Variants in LIPC observed in about 807,000 individuals in gnomAD.
LIPC encodes the protein hepatic triacylglycerol lipase.
LIPC carries 44 observed loss-of-function variants against 50.7 expected under a neutral mutation model. The ratio of observed to expected loss-of-function variants is 0.87; its 90% confidence interval spans 0.68 to 1.11. The LOEUF (loss-of-function observed/expected upper bound fraction) is 1.11, where lower values mean the gene tolerates loss of function less well. Among genes scored for constraint, LIPC ranks in the 50% most tolerant of loss-of-function variants. LIPC has a pLI of 0.00. For missense variants in LIPC, 697 were observed against 648.2 expected (o/e 1.08, Z -0.82); for synonymous variants, 271 against 256.4 (o/e 1.06, Z -0.54).
At chr15:58,508,089 G>C (rs1347724307) in intron 1 of LIPC, among the ~76,000 whole-genome samples, 1 of 152,124 alleles carries the variant, frequency 6.6e-6, no homozygotes, top group East Asian at 1.9e-4. Context: ...CTGTGATATG[G>C]GTTCAGTTGA....
At chr15:58,487,812 C>A (rs1311014299) in intron 1 of LIPC, among the ~76,000 whole-genome samples, 1 of 152,128 alleles carries the variant, frequency 6.6e-6, no homozygotes, top group Admixed American at 6.5e-5. Context: ...CTTGCAGGGC[C>A]CGAGGTCATC....
At chr15:58,476,451 T>G (rs1299060243) in intron 1 of LIPC, among the ~76,000 whole-genome samples, 1 of 152,234 alleles carries the variant, frequency 6.6e-6, no homozygotes, top group Non-Finnish European at 1.5e-5. Flanking sequence ...GTGTGCCACA[T>G]AGTTATGCTT....
chr15:58,534,098 G>C (rs1484678003), intron 1 of LIPC, among the ~76,000 whole-genome samples: 1 of 152,196 alleles, frequency 6.6e-6, no homozygotes, highest in African/African-American at 2.4e-5. Context: ...ATGAATGACG[G>C]TGTTATGAAC....
At chr15:58,465,097 G>A (rs1311314672) in intron 1 of LIPC, among the ~76,000 whole-genome samples, 1 of 152,150 alleles carries the variant, frequency 6.6e-6, no homozygotes, top group East Asian at 1.9e-4. Flanking sequence ...CCCTATCACT[G>A]CTACCTTACT....
intron 1 of LIPC, among the ~76,000 whole-genome samples, chr15:58,492,639 C>G (rs1273635188): frequency 6.6e-6 from 1 of 152,186 alleles, no homozygotes; most frequent in African/African-American, 2.4e-5. Context: ...ATGTAGCCAC[C>G]CAAAGCCAAT....
intron 2 of LIPC, among the ~76,000 whole-genome samples, chr15:58,538,855 A>C (rs868750145): frequency 6.6e-6 from 1 of 152,272 alleles, no homozygotes; most frequent in Non-Finnish European, 1.5e-5. Flanking sequence ...ACAGGGGGAC[A>C]TAGGAAGCCA....
rs543286053 is a variant in LIPC, at chr15:58,480,760, T to C, written c.88+48640T>C. Among the ~76,000 whole-genome samples the C allele has an allele frequency of 9.2e-5, 14 of 152,306 alleles. No homozygotes were observed. The East Asian group carries it at 1.7e-3, about 19-fold the overall frequency. On this transcript the variant is annotated intron_variant, in intron 1 of 8. Transcript: ENST00000299022. ...GCTTATCAGCTACCGTTAGTTTTAG[T>C]GTATTTTATGTGTGGCCCAAGACAA...
At chr15:58,541,479 T>G (rs1367007906) in intron 2 of LIPC, among the ~76,000 whole-genome samples, 2 of 150,376 alleles carry the variant, frequency 1.3e-5, no homozygotes, top group Non-Finnish European at 3.0e-5. Flanking sequence ...AAGATAATTG[T>G]TCTCGGGAGG....
At chr15:58,444,741 G>C (rs1256333001) in intron 1 of LIPC, among the ~76,000 whole-genome samples, 8 of 152,196 alleles carry the variant, frequency 5.3e-5, no homozygotes, top group Admixed American at 5.2e-4. Context: ...GGCTCCAAAA[G>C]CAGTCACATT....
rs1225327145 is a variant in LIPC at position 58,541,203 on chromosome 15, C to T, written c.274-582C>T. 2.0e-5 allele frequency among the ~76,000 whole-genome samples: 3 copies of T among 152,126 alleles called. No individual in the cohort carries two copies. The East Asian group carries it at 5.8e-4, about 29-fold the overall frequency. On this transcript the variant is annotated intron_variant, in intron 2 of 8. Transcript: ENST00000299022. ...TAGGAGTGCCCTGCAAATTGGTTCT[C>T]AAACAAGGCACACACACAGAACAAT...
chr15:58,432,321 G>C lies in LIPC; in HGVS notation c.88+201G>C, dbSNP rs1566904266. The C allele has an allele frequency of 1.9e-5, 12 of 618,338 alleles. No individual in the cohort carries two copies. In the South Asian group the frequency reaches 2.3e-4, roughly 12 times the overall value. 38.3% of individuals were successfully genotyped at this position (618,338 alleles called of 1,614,324 possible). ...ATGAAATTTTAGAAAATCATCCTCGGATTAAAAGTCTTCTAAGAGTGCCTG... is the reference window on the plus strand; with the variant it reads ...ATGAAATTTTAGAAAATCATCCTCGCATTAAAAGTCTTCTAAGAGTGCCTG... On this transcript the variant is annotated intron_variant, in intron 1 of 8. Transcript: ENST00000299022.
At chr15:58,524,089 GTA>G in intron 1 of LIPC, among the ~76,000 whole-genome samples, 1 of 151,850 alleles carries the variant, frequency 6.6e-6, no homozygotes, top group South Asian at 2.1e-4. Flanking sequence ...CCCACCATGG[GTA>G]ACCACTTATA....
chr15:58,563,061 T>C (rs1566953131), intron 7 of LIPC, among the ~76,000 whole-genome samples: 1 of 152,254 alleles, frequency 6.6e-6, no homozygotes, highest in Non-Finnish European at 1.5e-5. Flanking sequence ...TATGCCTCAC[T>C]GTTTTAACAG....
intron 3 of LIPC, 54 bp from the exon 4 acceptor site, chr15:58,542,480 A>T: frequency 8.4e-7 from 1 of 1,194,744 alleles, no homozygotes; most frequent in Non-Finnish European, 1.3e-6. Flanking sequence ...GGACCGCAAA[A>T]GGCTTTCATC....
intron 1 of LIPC, among the ~76,000 whole-genome samples, chr15:58,449,118 G>A (rs1022754498): frequency 2.6e-5 from 4 of 152,180 alleles, no homozygotes; most frequent in African/African-American, 9.7e-5. Flanking sequence ...TAGTCATGCT[G>A]GGGAGGCTCC....
chr15:58,527,183 G>A (rs964650872), intron 1 of LIPC, among the ~76,000 whole-genome samples: 3 of 152,216 alleles, frequency 2.0e-5, no homozygotes, highest in Non-Finnish European at 4.4e-5. Flanking sequence ...TAGATGTGCG[G>A]AGAAATCGAA....
intron 6 of LIPC, among the ~76,000 whole-genome samples, chr15:58,557,664 C>T (rs1194273298): frequency 2.0e-5 from 3 of 152,164 alleles, no homozygotes; most frequent in African/African-American, 4.8e-5. Flanking sequence ...GGATTACAGG[C>T]GTGAGCCACC....
chr15:58,522,863 C>T (rs12324536), intron 1 of LIPC: 21,141 of 152,352 alleles, frequency 0.14, 1,670 homozygotes, highest in Non-Finnish European at 0.19. Context: ...CCAAAAAGCT[C>T]GGCACATCTT....
At chr15:58,533,372 A>T (rs1893012963) in intron 1 of LIPC, among the ~76,000 whole-genome samples, 1 of 152,258 alleles carries the variant, frequency 6.6e-6, no homozygotes, top group Non-Finnish European at 1.5e-5. Flanking sequence ...ATCAGCTTTT[A>T]AAAATGCTGA....
Sources: gnomAD v4.1 joint callset for allele counts (sites outside exome capture counted in the v4.1 genomes callset) on GRCh38, gnomAD v4.1.1 for gene constraint, MANE v1.5 for transcripts, NCBI Gene and HGNC (gene_info 2026-07-23, HGNC 2026-07-21) for gene names.